CAMKMT: variants seen among roughly 807,000 people sequenced by gnomAD.
The protein encoded by CAMKMT is calmodulin-lysine N-methyltransferase.
In CAMKMT, 53 loss-of-function variants were observed where a neutral mutation model predicts 48.0. The ratio of observed to expected loss-of-function variants is 1.10; its 90% CI spans 0.89 to 1.39. CAMKMT has a LOEUF of 1.39. Ranked by LOEUF, CAMKMT falls within the 40% of genes most tolerant of loss-of-function variation. The pLI is 0.00. For synonymous variants in CAMKMT, 165 were observed against 152.3 expected, an observed-to-expected ratio of 1.08 and a Z score of -0.61; for missense variants, 428 against 402.7, an observed-to-expected ratio of 1.06 and a Z score of -0.54.
At chr2:44,637,483 A>G (rs1673197068) in intron 3 of CAMKMT, among the ~76,000 whole-genome samples, 1 of 152,106 alleles carries the variant, frequency 6.6e-6, no homozygotes, top group Non-Finnish European at 1.5e-5. Context: ...ATCAGTCTAC[A>G]TTTTTACTAG....
rs143442240 is a variant in CAMKMT, at chr2:44,614,754, G to A, written c.377-89529G>A. ...AGGTAGCAAGTCCTGTGACTCTAGAGTGAAAGATGTTCCAAGCAGAAAGCT... is the reference window on the plus strand; with the variant it reads ...AGGTAGCAAGTCCTGTGACTCTAGAATGAAAGATGTTCCAAGCAGAAAGCT... On this transcript the variant is annotated intron_variant, in intron 3 of 10. Transcript: ENST00000378494. Among the ~76,000 whole-genome samples, 41 of 152,060 alleles carry A rather than the reference G, an allele frequency of 2.7e-4. No individual in the cohort carries two copies. The East Asian group carries it at 7.9e-3, about 29-fold the overall frequency.
chr2:44,536,934 G>A (rs963356749), intron 3 of CAMKMT, among the ~76,000 whole-genome samples: 2 of 151,854 alleles, frequency 1.3e-5, no homozygotes, highest in Non-Finnish European at 1.5e-5. Flanking sequence ...TCAATAAATG[G>A]TACTGGGAAA....
At chr2:44,504,897 C>T (rs746010236) in intron 3 of CAMKMT, among the ~76,000 whole-genome samples, 2 of 152,110 alleles carry the variant, frequency 1.3e-5, no homozygotes, top group African/African-American at 2.4e-5. Context: ...ACAGCTTGTA[C>T]AAGAAGCATG....
At chr2:44,499,296 A>G (rs574438738) in intron 3 of CAMKMT, among the ~76,000 whole-genome samples, 2 of 152,278 alleles carry the variant, frequency 1.3e-5, no homozygotes, top group Non-Finnish European at 2.9e-5. Flanking sequence ...GCATATGCTG[A>G]CCTTGGAGAG....
intron 2 of CAMKMT, among the ~76,000 whole-genome samples, chr2:44,376,335 A>G (rs747925218): frequency 7.9e-5 from 12 of 151,646 alleles, no homozygotes; most frequent in Non-Finnish European, 1.6e-4. Context: ...ACATGAGAAT[A>G]GCTTGAACGT....
intron 3 of CAMKMT, among the ~76,000 whole-genome samples, chr2:44,478,512 G>A (rs529989982): frequency 9.9e-5 from 15 of 152,240 alleles, no homozygotes; most frequent in African/African-American, 3.4e-4. Context: ...TTCTGAATAT[G>A]CTGAAATCCT....
At position 44,618,300 on chromosome 2, in the gene CAMKMT, C is replaced by T. The variant is rs981508039; in HGVS notation, c.377-85983C>T. On this transcript the variant is annotated intron_variant, in intron 3 of 10. Transcript: ENST00000378494. This position sits in a 1 kb window ranked among gnomAD's most constrained non-coding sequence, Gnocchi z 4.0. Reference sequence around the variant, plus strand: ...GAAGCATAAGAGCTTGCACTGCCATCAGAGTCATTTTACGACAGCCAGGGA... The same window carrying T: ...GAAGCATAAGAGCTTGCACTGCCATTAGAGTCATTTTACGACAGCCAGGGA... Among the ~76,000 whole-genome samples, 1 of 152,190 alleles carries T rather than the reference C, an allele frequency of 6.6e-6. No individual in the cohort carries two copies. Among genetic ancestry groups the T allele is most frequent in the Non-Finnish European group, 1.5e-5 (1 of 68,038 alleles).
intron 6 of CAMKMT, among the ~76,000 whole-genome samples, chr2:44,709,122 A>G (rs923871495): frequency 6.6e-6 from 1 of 152,184 alleles, no homozygotes; most frequent in African/African-American, 2.4e-5. Flanking sequence ...TTTTGAAATC[A>G]GAGAGGAAAT....
chr2:44,456,748 A>G, intron 3 of CAMKMT: 1 of 759,448 alleles, frequency 1.3e-6, no homozygotes, highest in Non-Finnish European at 2.0e-6. Context: ...CTCATGCTAA[A>G]TGTTTTTCTT....
At chr2:44,390,334 A>T in intron 3 of CAMKMT, 29 bp downstream of exon 3, 1 of 1,474,896 alleles carries the variant, frequency 6.8e-7, no homozygotes, top group Non-Finnish European at 9.3e-7. Flanking sequence ...CTATAGAAAT[A>T]TATTTAGTGT....
rs1481044450 is a variant in CAMKMT, at chr2:44,730,519, T to G, written c.624-13103T>G. Among the ~76,000 whole-genome samples, 3 of 152,230 alleles carry G rather than the reference T, an allele frequency of 2.0e-5. No individual in the cohort carries two copies. In the East Asian group the frequency reaches 5.8e-4, roughly 29 times the overall value. ...AGCATCCACTGAGGCTTCAATAACA[T>G]TTATAGACAGACGACTCCCAAATTA... On this transcript the variant is annotated intron_variant, in intron 7 of 10. Coordinates refer to ENST00000378494, the MANE Select transcript of CAMKMT (RefSeq NM_024766.5).
intron 7 of CAMKMT, among the ~76,000 whole-genome samples, chr2:44,735,384 T>G (rs2104354449): frequency 6.6e-6 from 1 of 152,332 alleles, no homozygotes; most frequent in East Asian, 1.9e-4. Context: ...ATCTGTCATT[T>G]TACTATTTGT....
At chr2:44,649,160 G>T (rs1180041874) in intron 3 of CAMKMT, among the ~76,000 whole-genome samples, 2 of 152,062 alleles carry the variant, frequency 1.3e-5, no homozygotes, top group African/African-American at 4.8e-5. Context: ...TCAGTGAGGG[G>T]GGGAAAATGG....
intron 3 of CAMKMT, among the ~76,000 whole-genome samples, chr2:44,399,491 T>C (rs746093381): frequency 1.3e-5 from 2 of 152,048 alleles, no homozygotes; most frequent in Non-Finnish European, 2.9e-5. Context: ...GGAGGGGGCA[T>C]TGATTCTTAT....
At chr2:44,666,241 G>A (rs1254857949) in intron 3 of CAMKMT, among the ~76,000 whole-genome samples, 1 of 152,172 alleles carries the variant, frequency 6.6e-6, no homozygotes, top group East Asian at 1.9e-4. Flanking sequence ...TAGTGGTTCT[G>A]AGCAAAATTT....
At chr2:44,456,910 A>G (rs961508356) in intron 3 of CAMKMT, 3 of 255,600 alleles carry the variant, frequency 1.2e-5, no homozygotes, top group African/African-American at 6.7e-5. Flanking sequence ...ATATCATTAC[A>G]ATAAATTCTA....
chr2:44,764,797 G>C (rs1478645389), intron 9 of CAMKMT, among the ~76,000 whole-genome samples: 1 of 152,138 alleles, frequency 6.6e-6, no homozygotes, highest in Non-Finnish European at 1.5e-5. Flanking sequence ...TAGCACAGTG[G>C]TAGCTATCAT....
intron 9 of CAMKMT, among the ~76,000 whole-genome samples, chr2:44,762,516 G>C (rs1029196612): frequency 6.6e-6 from 1 of 152,154 alleles, no homozygotes; most frequent in Non-Finnish European, 1.5e-5. Context: ...AAGCTGGGGG[G>C]AGTGGGGAGG....
intron 3 of CAMKMT, among the ~76,000 whole-genome samples, chr2:44,595,293 C>T (rs1474510993): frequency 1.3e-5 from 2 of 151,868 alleles, no homozygotes; most frequent in East Asian, 1.9e-4. Context: ...CCAGCAATCC[C>T]GTTACTGGGT....
Sources: gnomAD v4.1 joint callset for allele counts (sites outside exome capture counted in the v4.1 genomes callset) on GRCh38, gnomAD v4.1.1 for gene constraint, Gnocchi (gnomAD v3.1) non-coding constraint, MANE v1.5 for transcripts, NCBI Gene and HGNC (gene_info 2026-07-23, HGNC 2026-07-21) for gene names.